The following APBA1 variants were observed in gnomAD, a reference collection of about 807,000 sequenced individuals.
APBA1 encodes the protein amyloid-beta A4 precursor protein-binding family A member 1.
APBA1 carries 55 observed loss-of-function variants against 86.6 expected under a neutral mutation model. The observed-to-expected ratio is 0.64, with a 90% CI of 0.51 to 0.80. APBA1 has a LOEUF of 0.80. Among genes scored for constraint, APBA1 ranks in the 30% least tolerant of loss-of-function variants. The probability of loss-of-function intolerance (pLI) is 0.00; values close to 1 mark genes in which losing one functional copy is unlikely to be tolerated. For synonymous variants in APBA1, 511 were observed against 493.9 expected (o/e 1.03, Z -0.46); for missense variants, 1,090 against 1,183.0 (o/e 0.92, Z 1.15).
At chr9:69,594,088 C>T (rs1822183671) in intron 1 of APBA1, among the ~76,000 whole-genome samples, 1 of 152,172 alleles carries the variant, frequency 6.6e-6, no homozygotes, top group South Asian at 2.1e-4. Context: ...TATCATATCG[C>T]TGAGTTGGGC....
chr9:69,550,649 C>T (rs1279081930), intron 1 of APBA1, among the ~76,000 whole-genome samples: 2 of 152,222 alleles, frequency 1.3e-5, no homozygotes, highest in Non-Finnish European at 2.9e-5. Context: ...TCTTTGCCCT[C>T]ATGGAACTTA....
chr9:69,584,117 C>G (rs1403677242), intron 1 of APBA1, among the ~76,000 whole-genome samples: 2 of 152,184 alleles, frequency 1.3e-5, no homozygotes, highest in Admixed American at 6.5e-5. Flanking sequence ...CTGGCTCCAG[C>G]TTTTCTCTCC....
intron 11 of APBA1, among the ~76,000 whole-genome samples, chr9:69,435,384 T>C (rs544389707): frequency 2.0e-5 from 3 of 152,068 alleles, no homozygotes; most frequent in African/African-American, 4.8e-5. Flanking sequence ...ACTTCCACAA[T>C]GGTTGAACTA....
intron 1 of APBA1, among the ~76,000 whole-genome samples, chr9:69,543,865 G>A (rs1588353053): frequency 6.6e-6 from 1 of 152,252 alleles, no homozygotes; most frequent in East Asian, 1.9e-4. Context: ...TGGGTTAATT[G>A]GATCACTCTG....
chr9:69,504,694 T>C (rs987313430), intron 2 of APBA1, among the ~76,000 whole-genome samples: 4 of 152,026 alleles, frequency 2.6e-5, no homozygotes, highest in African/African-American at 9.7e-5. Context: ...ATTCTAAGCC[T>C]GACAACTAAG....
At chr9:69,436,683 A>G (rs1203057265) in intron 11 of APBA1, among the ~76,000 whole-genome samples, 6 of 151,706 alleles carry the variant, frequency 4.0e-5, no homozygotes, top group South Asian at 2.1e-4. Flanking sequence ...GGGCTGAGAC[A>G]GTGGGGTTTT....
chr9:69,470,400 A>C (rs1299471235), intron 4 of APBA1, among the ~76,000 whole-genome samples: 1 of 152,214 alleles, frequency 6.6e-6, no homozygotes, highest in Non-Finnish European at 1.5e-5. Context: ...TGACATCCTC[A>C]TACTCAGGCT....
At chr9:69,568,364 A>G (rs1033131899) in intron 1 of APBA1, among the ~76,000 whole-genome samples, 1 of 152,184 alleles carries the variant, frequency 6.6e-6, no homozygotes, top group Non-Finnish European at 1.5e-5. Flanking sequence ...AGAAGAAATA[A>G]CCTAGCCAGG....
intron 5 of APBA1, chr9:69,463,950 G>A (rs2781538): frequency 0.41 from 62,499 of 152,028 alleles, 13,503 homozygotes; most frequent in African/African-American, 0.56. Flanking sequence ...TGTGCTCTAC[G>A]TCCTTTCTGT....
At chr9:69,458,354 G>A (rs1005154374) in intron 5 of APBA1, among the ~76,000 whole-genome samples, 166 bp from the exon 6 acceptor site, 1 of 152,206 alleles carries the variant, frequency 6.6e-6, no homozygotes, top group Non-Finnish European at 1.5e-5. Context: ...AATCAATGTC[G>A]TAATTCAGAA....
chr9:69,659,720 T>C (rs1823713864), intron 1 of APBA1, among the ~76,000 whole-genome samples: 1 of 152,226 alleles, frequency 6.6e-6, no homozygotes, highest in Admixed American at 6.5e-5. Flanking sequence ...GATATGCACT[T>C]TTAACACTGG....
chr9:69,515,895 G>A lies in APBA1; in HGVS notation c.1200+116C>T, dbSNP rs530102511. The A allele has an allele frequency of 3.9e-5, 45 of 1,145,922 alleles. No individual in the cohort carries two copies. The South Asian group carries it at 5.7e-4, about 14-fold the overall frequency. The allele number at this position is 1,145,922 out of a possible 1,614,324, so 71.0% of individuals were successfully genotyped here. The stretch of plus-strand genomic sequence containing the variant: ...GAGGCTTACGGTGGAAAAGTTCTTA[G>A]CGTCCCCACAGACTACTTCCCGTAA... On this transcript the variant is annotated intron_variant, in intron 2 of 12. Coordinates refer to ENST00000265381, the MANE Select transcript of APBA1 (RefSeq NM_001163.4).
chr9:69,488,418 C>T (rs1835646563), intron 2 of APBA1, among the ~76,000 whole-genome samples: 2 of 151,976 alleles, frequency 1.3e-5, no homozygotes, highest in South Asian at 2.1e-4. Context: ...GGAACTACAA[C>T]CTAGATGTTG....
intron 1 of APBA1, among the ~76,000 whole-genome samples, chr9:69,519,300 A>G (rs1336923063): frequency 6.6e-6 from 1 of 152,238 alleles, no homozygotes; most frequent in East Asian, 1.9e-4. Flanking sequence ...TTGCATGTGC[A>G]GTTCACAATA....
chr9:69,429,954 A>G lies in APBA1; in HGVS notation c.*1373T>C, dbSNP rs1338448168. 3 of 152,088 alleles carry G rather than the reference A, an allele frequency of 2.0e-5. No individual in the cohort carries two copies. Among genetic ancestry groups the G allele is most frequent in the African/African-American group, 4.8e-5 (2 of 41,462 alleles). 9.4% of individuals were successfully genotyped at this position (152,088 alleles called of 1,614,324 possible). A position where few individuals can be genotyped will look rare whatever the true frequency, so the allele number is the denominator to read the frequency against. On this transcript the variant is annotated 3_prime_UTR_variant, in exon 13 of 13. Coordinates refer to ENST00000265381, the MANE Select transcript of APBA1 (RefSeq NM_001163.4). The stretch of plus-strand genomic sequence containing the variant: ...GTGAAAACTGGCTCAGAATTATAAT[A>G]TTACTAAAACATCTACACTGAACTG...
At chr9:69,455,556 G>A (rs993163723) in intron 8 of APBA1, among the ~76,000 whole-genome samples, 1 of 152,176 alleles carries the variant, frequency 6.6e-6, no homozygotes, top group Non-Finnish European at 1.5e-5. Context: ...CAGAGAAATG[G>A]AGCTTAGGAA....
At chr9:69,559,625 G>T (rs1836918236) in intron 1 of APBA1, among the ~76,000 whole-genome samples, 1 of 152,172 alleles carries the variant, frequency 6.6e-6, no homozygotes, top group Non-Finnish European at 1.5e-5. Flanking sequence ...TGGGTCGACG[G>T]TTATTTTTTC....
At chr9:69,650,211 A>C in intron 1 of APBA1, among the ~76,000 whole-genome samples, 1 of 152,222 alleles carries the variant, frequency 6.6e-6, no homozygotes, top group African/African-American at 2.4e-5. Context: ...CAGTGTCCTC[A>C]TCTGCAAAAT....
intron 11 of APBA1, among the ~76,000 whole-genome samples, chr9:69,436,682 C>T (rs1187352197): frequency 4.0e-5 from 6 of 151,712 alleles, no homozygotes; most frequent in South Asian, 4.2e-4. Flanking sequence ...TGGGCTGAGA[C>T]AGTGGGGTTT....
Sources: gnomAD v4.1 joint callset for allele counts (sites outside exome capture counted in the v4.1 genomes callset) on GRCh38, gnomAD v4.1.1 for gene constraint, MANE v1.5 for transcripts, NCBI Gene and HGNC (gene_info 2026-07-23, HGNC 2026-07-21) for gene names.